Variants in NMNAT3 observed in about 807,000 individuals in gnomAD.
The protein encoded by NMNAT3 is nicotinamide/nicotinic acid mononucleotide adenylyltransferase 3.
In NMNAT3, 21 loss-of-function variants were observed where a neutral mutation model predicts 24.8. That is an observed-to-expected ratio of 0.85 (90% confidence interval 0.60 to 1.22). The LOEUF is 1.22. Ranked by LOEUF, NMNAT3 falls within the 50% of genes most tolerant of loss-of-function variation. NMNAT3 has a pLI of 0.00. For synonymous variants in NMNAT3, 136 were observed against 155.2 expected (o/e 0.88, Z 0.92); for missense variants, 387 against 436.6 (o/e 0.89, Z 1.01).
chr3:139,640,842 G>A lies in NMNAT3; in HGVS notation c.-140-2780C>T, dbSNP rs565836291. On this transcript the variant is annotated intron_variant, in intron 1 of 6. Transcript: ENST00000643695. ...ACTGAGCTATGAGCAGACTGCCATGGTGATAAGCAGATAACTGCAAATCTA... is the reference window on the plus strand; with the variant it reads ...ACTGAGCTATGAGCAGACTGCCATGATGATAAGCAGATAACTGCAAATCTA... Among the ~76,000 whole-genome samples the A allele has an allele frequency of 4.6e-5, 7 of 152,332 alleles. No individual in the cohort carries two copies. The East Asian group carries it at 9.6e-4, about 21-fold the overall frequency.
Position 139,575,501 on chromosome 3 carries a change from A to T in NMNAT3, c.576-1821T>A, listed in dbSNP as rs193175712. ...ACCCACCTACCTCTTGGAGTTGCTG[A>T]GCTTACTAGATATACATGAAAGAGC... On this transcript the variant is annotated intron_variant, in intron 5 of 6. Coordinates refer to ENST00000643695, the MANE Select transcript of NMNAT3 (RefSeq NM_001320510.2). The T allele has an allele frequency of 1.4e-4, 105 of 772,640 alleles. No homozygotes were observed. The African/African-American group carries it at 1.9e-3, about 14-fold the overall frequency. The allele number at this position is 772,640 out of a possible 1,614,324, so 47.9% of individuals were successfully genotyped here.
intron 1 of NMNAT3, among the ~76,000 whole-genome samples, chr3:139,673,769 GAAGA>G (rs1172340684): frequency 6.6e-6 from 1 of 151,982 alleles, no homozygotes; most frequent in Non-Finnish European, 1.5e-5. Context: ...AGTATGTGTA[GAAGA>G]AAGAAAGGGA....
chr3:139,607,091 G>T (rs969701263), intron 3 of NMNAT3, among the ~76,000 whole-genome samples: 1 of 151,740 alleles, frequency 6.6e-6, no homozygotes, highest in African/African-American at 2.4e-5. Flanking sequence ...TTGCTACTGG[G>T]GTTTCATGGT....
chr3:139,566,198 C>G (rs937086727), intron 6 of NMNAT3: 1 of 152,040 alleles, frequency 6.6e-6, no homozygotes, highest in African/African-American at 2.4e-5. Flanking sequence ...TGCCCACTTT[C>G]TGATGGAGTT....
intron 1 of NMNAT3, among the ~76,000 whole-genome samples, chr3:139,654,710 A>G (rs1389220927): frequency 6.6e-6 from 1 of 152,250 alleles, no homozygotes; most frequent in African/African-American, 2.4e-5. Context: ...AATGCATTAT[A>G]GGATTTATGT....
At chr3:139,671,890 C>A (rs1308959375) in intron 1 of NMNAT3, among the ~76,000 whole-genome samples, 1 of 152,226 alleles carries the variant, frequency 6.6e-6, no homozygotes, top group Non-Finnish European at 1.5e-5. Context: ...CTAAAGGTTT[C>A]TCTTGACCTG....
rs11406804 is a variant in NMNAT3, at chr3:139,612,167, CAA to C, written c.109+15447_109+15448del. ...GGGCAACAAGAGCAAAACTCCGTCT[CAA>C]AAAAAAAAAAAAAATGCATAGAGGA... is the stretch of plus-strand genomic sequence containing the variant. On this transcript the variant is annotated intron_variant, in intron 3 of 6. Coordinates refer to ENST00000643695, the MANE Select transcript of NMNAT3 (RefSeq NM_001320510.2). Among the ~76,000 whole-genome samples the C allele has an allele frequency of 2.0e-3, 257 of 128,146 alleles. 3 individuals are homozygous for C. Among genetic ancestry groups the C allele is most frequent in the African/African-American group, 6.5e-3 (213 of 32,552 alleles). The allele number at this position is 128,146 out of a possible 152,430, so 84.1% of individuals were successfully genotyped here. A position where few individuals can be genotyped will look rare whatever the true frequency, so the allele number is the denominator to read the frequency against.
intron 1 of NMNAT3, among the ~76,000 whole-genome samples, chr3:139,676,601 G>A (rs2057937100): frequency 6.6e-6 from 1 of 152,202 alleles, no homozygotes; most frequent in African/African-American, 2.4e-5. Flanking sequence ...GTGCCAGGGT[G>A]GAACTGTCAC....
rs543586131 is a variant in NMNAT3, at chr3:139,663,275, T to A, written c.-141+14430A>T. Among the ~76,000 whole-genome samples, 5 of 152,336 alleles carry A rather than the reference T, an allele frequency of 3.3e-5. No individual in the cohort carries two copies. In the South Asian group the frequency reaches 1.0e-3, roughly 32 times the overall value. On this transcript the variant is annotated intron_variant, in intron 1 of 6. Coordinates refer to ENST00000643695, the MANE Select transcript of NMNAT3 (RefSeq NM_001320510.2). ...CTCTCCTGCCTCCATCTTTCACTGA[T>A]AAGCATATTTGTGATTAGATTGGGT...
At position 139,561,537 on chromosome 3, in the gene NMNAT3, A is replaced by ATG. The variant is rs556857746; in HGVS notation, c.659-147_659-146dup. 9.4e-5 allele frequency: 68 copies of ATG among 724,668 alleles called. 1 individual carries two copies. The South Asian group carries it at 1.1e-3, about 12-fold the overall frequency. The allele number at this position is 724,668 out of a possible 1,614,324, so 44.9% of individuals were successfully genotyped here. A position where few individuals can be genotyped will look rare whatever the true frequency, so the allele number is the denominator to read the frequency against. On this transcript the variant is annotated intron_variant, in intron 6 of 6. Coordinates refer to ENST00000643695, the MANE Select transcript of NMNAT3 (RefSeq NM_001320510.2). ...TGTTCATGACTTGAAAAGAAAAAGC[A>ATG]TGTAAATGAATCTGCAGCCATTTCA...
At chr3:139,670,304 T>C (rs1294564619) in intron 1 of NMNAT3, among the ~76,000 whole-genome samples, 1 of 152,198 alleles carries the variant, frequency 6.6e-6, no homozygotes, top group Non-Finnish European at 1.5e-5. Flanking sequence ...TCTCTATCTC[T>C]TTGTCTCAGC....
At chr3:139,630,921 C>G (rs1285397686) in intron 2 of NMNAT3, among the ~76,000 whole-genome samples, 2 of 151,914 alleles carry the variant, frequency 1.3e-5, no homozygotes, top group Non-Finnish European at 2.9e-5. Context: ...CTTTCAAAAT[C>G]CTGTTTCATT....
intron 3 of NMNAT3, among the ~76,000 whole-genome samples, chr3:139,605,348 A>AT (rs538130606): frequency 3.3e-5 from 5 of 151,884 alleles, no homozygotes; most frequent in South Asian, 2.1e-4. Context: ...ACAGGCACAG[A>AT]TTTTTTTTTA....
At chr3:139,618,079 G>A (rs2055591104) in intron 3 of NMNAT3, among the ~76,000 whole-genome samples, 1 of 152,194 alleles carries the variant, frequency 6.6e-6, no homozygotes, top group Admixed American at 6.5e-5. Context: ...CGTGACACAA[G>A]GCAAAGATGT....
intron 1 of NMNAT3, 74 bp downstream of exon 1, chr3:139,677,631 G>A (rs2057976729): frequency 6.6e-6 from 1 of 152,282 alleles, no homozygotes; most frequent in South Asian, 2.1e-4. Context: ...TAGGGGCCAG[G>A]AGTCACGTGG....
intron 3 of NMNAT3, among the ~76,000 whole-genome samples, chr3:139,620,609 A>G (rs1480906379): frequency 1.3e-5 from 2 of 152,226 alleles, no homozygotes; most frequent in Admixed American, 1.3e-4. Context: ...TACTATAATT[A>G]AAGCTGCTCT....
chr3:139,589,137 T>C (rs1417640541), intron 3 of NMNAT3, among the ~76,000 whole-genome samples: 2 of 152,044 alleles, frequency 1.3e-5, no homozygotes, highest in Non-Finnish European at 2.9e-5. Context: ...AATGCAGAAA[T>C]TGTATGCAGG....
At chr3:139,631,490 T>C (rs2056295697) in intron 2 of NMNAT3, among the ~76,000 whole-genome samples, 1 of 152,128 alleles carries the variant, frequency 6.6e-6, no homozygotes. Flanking sequence ...AGACTTCTGC[T>C]ATTGGGGAAG....
chr3:139,608,074 T>C (rs1217743442), intron 3 of NMNAT3, among the ~76,000 whole-genome samples: 2 of 152,228 alleles, frequency 1.3e-5, no homozygotes, highest in Non-Finnish European at 2.9e-5. Flanking sequence ...TTTCTCTTTA[T>C]GGTCTGTTTA....
Sources: allele counts gnomAD v4.1 joint callset (sites outside exome capture counted in the v4.1 genomes callset), GRCh38; gene constraint gnomAD v4.1.1; transcripts MANE v1.5; gene names NCBI Gene and HGNC (gene_info 2026-07-23, HGNC 2026-07-21).